Variants in LAMA2 observed in about 807,000 individuals in gnomAD.
The protein encoded by LAMA2 is laminin subunit alpha 2, also known as laminin subunit alpha-2.
In LAMA2, 269 loss-of-function variants were observed where a neutral mutation model predicts 364.8. The ratio of observed to expected loss-of-function variants is 0.74; its 90% confidence interval spans 0.67 to 0.82. The LOEUF is 0.82. Among genes scored for constraint, LAMA2 ranks in the 40% least tolerant of loss-of-function variants. The pLI, the probability that LAMA2 is intolerant of heterozygous loss-of-function variation, is 0.00. For missense variants in LAMA2, 3,807 were observed against 3,873.2 expected (o/e 0.98, Z 0.45); for synonymous variants, 1,379 against 1,370.6 (o/e 1.01, Z -0.14).
chr6:128,952,876 C>G (rs1780916790), intron 1 of LAMA2, among the ~76,000 whole-genome samples: 1 of 152,082 alleles, frequency 6.6e-6, no homozygotes, highest in South Asian at 2.1e-4. Context: ...ACCAGAGGAC[C>G]AATCACATCA....
intron 4 of LAMA2, among the ~76,000 whole-genome samples, chr6:129,136,875 T>C (rs1395217659): frequency 6.6e-6 from 1 of 152,142 alleles, no homozygotes; most frequent in East Asian, 1.9e-4. Context: ...TTTCAGGCAC[T>C]TAGTGGTCAG....
intron 1 of LAMA2, among the ~76,000 whole-genome samples, chr6:128,893,926 G>A (rs932636753): frequency 1.5e-4 from 23 of 151,876 alleles, no homozygotes; most frequent in African/African-American, 5.3e-4. Flanking sequence ...CTGCCTCTGC[G>A]TTCAAATTAT....
At chr6:129,027,224 G>A (rs2114726278) in intron 1 of LAMA2, among the ~76,000 whole-genome samples, 1 of 152,126 alleles carries the variant, frequency 6.6e-6, no homozygotes, top group East Asian at 1.9e-4. Context: ...TAATTCCAAG[G>A]TGAATGTTCC....
intron 1 of LAMA2, chr6:128,905,509 A>C (rs1051415329): frequency 2.6e-5 from 4 of 152,172 alleles, no homozygotes; most frequent in Non-Finnish European, 4.4e-5. Context: ...GAGGAAAGGA[A>C]GCTTATCTGG....
At chr6:129,226,089 T>G (rs1176074913) in intron 12 of LAMA2, among the ~76,000 whole-genome samples, 1 of 152,240 alleles carries the variant, frequency 6.6e-6, no homozygotes, top group African/African-American at 2.4e-5. Context: ...CATTATGTAA[T>G]GGCCTTCTTT....
intron 35 of LAMA2, among the ~76,000 whole-genome samples, chr6:129,390,816 A>G (rs1001863134): frequency 3.3e-5 from 5 of 152,116 alleles, no homozygotes; most frequent in African/African-American, 9.7e-5. Flanking sequence ...TTTGTAGAAA[A>G]CCTGAAGCAC....
chr6:129,131,763 G>T (rs1777486887), intron 4 of LAMA2, among the ~76,000 whole-genome samples: 1 of 152,146 alleles, frequency 6.6e-6, no homozygotes. Flanking sequence ...AATTGTTGTT[G>T]TCCTATAAGC....
chr6:129,220,843 T>A (rs1278584890), intron 12 of LAMA2, among the ~76,000 whole-genome samples: 1 of 152,146 alleles, frequency 6.6e-6, no homozygotes, highest in Non-Finnish European at 1.5e-5. Flanking sequence ...TTTTCAGCTG[T>A]GAAAACTATT....
At chr6:129,170,683 T>C (rs1002790386) in intron 9 of LAMA2, among the ~76,000 whole-genome samples, 2 of 152,126 alleles carry the variant, frequency 1.3e-5, no homozygotes, top group African/African-American at 4.8e-5. Flanking sequence ...TTAGGTCCGC[T>C]TGGTGCAGAG....
intron 6 of LAMA2, among the ~76,000 whole-genome samples, chr6:129,148,314 G>A (rs2114966675): frequency 6.6e-6 from 1 of 152,172 alleles, no homozygotes; most frequent in South Asian, 2.1e-4. Context: ...GAGAACACAT[G>A]GACTCAAGGA....
chr6:128,890,978 G>A (rs1226324149), intron 1 of LAMA2, among the ~76,000 whole-genome samples: 2 of 152,068 alleles, frequency 1.3e-5, no homozygotes, highest in African/African-American at 4.8e-5. Flanking sequence ...TAAGACAAAA[G>A]TCTTCCAATC....
intron 40 of LAMA2, among the ~76,000 whole-genome samples, chr6:129,416,406 T>C (rs1184060299): frequency 6.6e-6 from 1 of 152,150 alleles, no homozygotes; most frequent in Non-Finnish European, 1.5e-5. Context: ...GTTTGTTTTC[T>C]TACTGTATAT....
At chr6:128,907,150 T>G (rs1289006748) in intron 1 of LAMA2, among the ~76,000 whole-genome samples, 20 of 142,788 alleles carry the variant, frequency 1.4e-4, no homozygotes, top group Non-Finnish European at 1.5e-5. Context: ...AACTTTAAAG[T>G]AGTTTTTTCC....
chr6:129,210,382 A>G (rs1783016676), intron 12 of LAMA2, among the ~76,000 whole-genome samples: 1 of 146,842 alleles, frequency 6.8e-6, no homozygotes, highest in South Asian at 2.1e-4. Flanking sequence ...CTCATTAGAA[A>G]CCGAACCACG....
At position 128,980,006 on chromosome 6, in the gene LAMA2, C is replaced by T. The variant is rs189278463; in HGVS notation, c.113-69912C>T. 3.3e-5 allele frequency among the ~76,000 whole-genome samples: 5 copies of T among 152,138 alleles called. No homozygotes were observed. The East Asian group carries it at 9.7e-4, about 29-fold the overall frequency. ...AGGTTATGCTGCAATAATGAACAAC[C>T]CCAAAATCTTAGTGGTTGCAAACAA... On this transcript the variant is annotated intron_variant, in intron 1 of 64. Coordinates refer to ENST00000421865, the MANE Select transcript of LAMA2 (RefSeq NM_000426.4).
chr6:129,500,077 T>G (rs1233383122), intron 58 of LAMA2, among the ~76,000 whole-genome samples: 1 of 151,990 alleles, frequency 6.6e-6, no homozygotes, highest in Non-Finnish European at 1.5e-5. Flanking sequence ...AGACTTGGTT[T>G]CAGTTTACCC....
At chr6:129,494,056 C>T (rs1010989950) in intron 58 of LAMA2, among the ~76,000 whole-genome samples, 2 of 152,210 alleles carry the variant, frequency 1.3e-5, no homozygotes, top group Non-Finnish European at 2.9e-5. Flanking sequence ...CTAAGGTTTT[C>T]AATACACATA....
chr6:129,450,741 T>C (rs1782634618), intron 45 of LAMA2, among the ~76,000 whole-genome samples: 1 of 152,228 alleles, frequency 6.6e-6, no homozygotes, highest in Non-Finnish European at 1.5e-5. Flanking sequence ...TACAGTCGCT[T>C]TGACTACTAA....
chr6:129,417,799 G>C (rs1359480620), intron 40 of LAMA2, among the ~76,000 whole-genome samples: 1 of 152,144 alleles, frequency 6.6e-6, no homozygotes, highest in Non-Finnish European at 1.5e-5. Flanking sequence ...GAGTGTCAGT[G>C]CTGCCCCGAG....
Sources: allele counts gnomAD v4.1 joint callset (sites outside exome capture counted in the v4.1 genomes callset), GRCh38; gene constraint gnomAD v4.1.1; transcripts MANE v1.5; gene names NCBI Gene and HGNC (gene_info 2026-07-23, HGNC 2026-07-21).